FRMD4B: variants seen among roughly 807,000 people sequenced by gnomAD.
FRMD4B encodes the protein FERM domain containing 4B.
A neutral mutation model predicts 141.5 loss-of-function variants in FRMD4B; 74 were observed. The ratio of observed to expected loss-of-function variants is 0.52; its 90% CI spans 0.43 to 0.63. The LOEUF is 0.63. FRMD4B is among the 30% of genes least tolerant of loss of function. The pLI, the probability that FRMD4B is intolerant of heterozygous loss-of-function variation, is 0.00. For synonymous variants in FRMD4B, 506 were observed against 467.9 expected (o/e 1.08, Z -1.05); for missense variants, 1,366 against 1,253.4 (o/e 1.09, Z -1.36).
At position 69,250,027 on chromosome 3, in the gene FRMD4B, G is replaced by GT; in HGVS notation, c.558+15dup. 1 of 1,569,830 alleles carries GT rather than the reference G, an allele frequency of 6.4e-7. No homozygotes were observed. On this transcript the variant is annotated intron_variant, in intron 6 of 22. Transcript: ENST00000398540. ...AACACAAGGGAGCTGCTAAGAGGCA[G>GT]TTTGTCCAATCTTACCTGTAAAATA... is the stretch of plus-strand genomic sequence containing the variant.
chr3:69,375,450 A>G (rs1331322652), intron 1 of FRMD4B, among the ~76,000 whole-genome samples: 1 of 149,546 alleles, frequency 6.7e-6, no homozygotes, highest in East Asian at 2.0e-4. Flanking sequence ...TAACTCTTTG[A>G]TGTAGGCACT....
intron 3 of FRMD4B, among the ~76,000 whole-genome samples, chr3:69,308,138 A>C (rs1394141866): frequency 1.3e-5 from 2 of 152,084 alleles, no homozygotes; most frequent in East Asian, 3.9e-4. Context: ...ACTGCAGTAC[A>C]TTGGGATGAC....
chr3:69,477,928 C>G (rs1302274984), intron 1 of FRMD4B, among the ~76,000 whole-genome samples: 1 of 151,998 alleles, frequency 6.6e-6, no homozygotes, highest in Non-Finnish European at 1.5e-5. Context: ...CTGGTTTAGT[C>G]TTGGGAGGGT....
chr3:69,351,212 C>T (rs1238264093), intron 1 of FRMD4B, among the ~76,000 whole-genome samples: 1 of 152,118 alleles, frequency 6.6e-6, no homozygotes, highest in East Asian at 1.9e-4. Flanking sequence ...TTTACCTGTA[C>T]TCAGGCTTAC....
intron 1 of FRMD4B, among the ~76,000 whole-genome samples, chr3:69,364,725 C>T (rs17005685): frequency 0.22 from 33,915 of 151,940 alleles, 4,831 homozygotes; most frequent in African/African-American, 0.41. Flanking sequence ...CGAGACAATT[C>T]GACTCTGGTT....
intron 2 of FRMD4B, among the ~76,000 whole-genome samples, chr3:69,393,148 A>G (rs1400605872): frequency 6.6e-6 from 1 of 152,104 alleles, no homozygotes; most frequent in Non-Finnish European, 1.5e-5. Flanking sequence ...ATCCACCACT[A>G]AGGCACCTAT....
chr3:69,531,355 C>A (rs1176379499), intron 1 of FRMD4B, among the ~76,000 whole-genome samples: 1 of 151,846 alleles, frequency 6.6e-6, no homozygotes, highest in African/African-American at 2.4e-5. Context: ...CATGATAACC[C>A]CAAGTCAAGA....
At chr3:69,411,715 T>C (rs895197244) in intron 2 of FRMD4B, among the ~76,000 whole-genome samples, 8 of 152,260 alleles carry the variant, frequency 5.3e-5, no homozygotes, top group Non-Finnish European at 2.9e-5. Context: ...ATATCCTGGA[T>C]AACTGCCTAG....
chr3:69,505,333 G>A (rs112685606), intron 1 of FRMD4B, among the ~76,000 whole-genome samples: 2,206 of 152,100 alleles, frequency 0.015, 51 homozygotes, highest in African/African-American at 0.051. Context: ...AGCTATGATC[G>A]CACCACTGCC....
At position 69,181,408 on chromosome 3, in the gene FRMD4B, T is replaced by C. The variant is rs906759859; in HGVS notation, c.2342A>G (p.Asn781Ser). 5.6e-6 allele frequency: 9 copies of C among 1,613,972 alleles called. No individual in the cohort carries two copies. In the East Asian group the frequency reaches 1.6e-4, roughly 28 times the overall value. ...CCTCAAACTATCCTTTTGTGCTAGG[T>C]TGGGCATGCTTCCTGAATTTGAAGT... ...VSTSNSGSMPNLAQKDSLRNG... is the reference protein window; with the variant it reads ...VSTSNSGSMPSLAQKDSLRNG... Residue 781 changes from asparagine (N) to serine (S), a missense_variant, in exon 21 of 23, where the codon AAC becomes AGC. By Grantham distance (46) the Asn-to-Ser change is conservative. Transcript: ENST00000398540.
chr3:69,425,477 T>C (rs560560061), intron 2 of FRMD4B, among the ~76,000 whole-genome samples: 1 of 152,324 alleles, frequency 6.6e-6, no homozygotes, highest in South Asian at 2.1e-4. Flanking sequence ...TCACTTCCAA[T>C]GCACAACTGA....
intron 1 of FRMD4B, among the ~76,000 whole-genome samples, chr3:69,526,831 A>T (rs1044016152): frequency 6.6e-6 from 1 of 152,168 alleles, no homozygotes; most frequent in African/African-American, 2.4e-5. Flanking sequence ...ACAAGGTTAA[A>T]AAGGTGGTTA....
chr3:69,395,043 A>G (rs147786749), intron 2 of FRMD4B, among the ~76,000 whole-genome samples: 2,537 of 152,284 alleles, frequency 0.017, 34 homozygotes, highest in South Asian at 0.051. Flanking sequence ...GAGGGAGAAC[A>G]TTAGGACAAA....
chr3:69,207,990 T>C (rs12171313), intron 11 of FRMD4B, among the ~76,000 whole-genome samples: 145,021 of 152,120 alleles, frequency 0.95, 69,545 homozygotes, highest in East Asian at 1. Context: ...AGCAATTCTC[T>C]TGCCTCAGCC....
intron 1 of FRMD4B, among the ~76,000 whole-genome samples, chr3:69,465,063 G>GT (rs1705761513): frequency 1.3e-5 from 2 of 152,282 alleles, no homozygotes; most frequent in South Asian, 4.1e-4. Flanking sequence ...GCTCACACCT[G>GT]TAATCCCAGC....
intron 7 of FRMD4B, among the ~76,000 whole-genome samples, chr3:69,230,749 A>G (rs1194219804): frequency 1.4e-5 from 2 of 141,054 alleles, no homozygotes; most frequent in Non-Finnish European, 3.0e-5. Flanking sequence ...CTCTGCCTCG[A>G]AAAAAAAAAA....
chr3:69,261,361 C>A (rs754998303), intron 5 of FRMD4B, among the ~76,000 whole-genome samples: 3 of 152,210 alleles, frequency 2.0e-5, no homozygotes, highest in Non-Finnish European at 4.4e-5. Context: ...CAAGAACTCA[C>A]CAATTCTGGA....
intron 1 of FRMD4B, among the ~76,000 whole-genome samples, chr3:69,433,365 G>A (rs970453546): frequency 6.6e-6 from 1 of 152,192 alleles, no homozygotes; most frequent in African/African-American, 2.4e-5. Flanking sequence ...CAATAAGCAT[G>A]CTTCTCCTTT....
chr3:69,442,347 G>T (rs955517571), intron 1 of FRMD4B, among the ~76,000 whole-genome samples: 19 of 152,170 alleles, frequency 1.2e-4, no homozygotes, highest in Admixed American at 1.2e-3. Flanking sequence ...CTCCCAAAGT[G>T]CTGGGATTAC....
Sources: gnomAD v4.1 joint callset for allele counts (sites outside exome capture counted in the v4.1 genomes callset) on GRCh38, gnomAD v4.1.1 for gene constraint, MANE v1.5 for transcripts, NCBI Gene and HGNC (gene_info 2026-07-23, HGNC 2026-07-21) for gene names.